CORIN: variants seen among roughly 807,000 people sequenced by gnomAD.
CORIN encodes the protein corin, serine peptidase, also known as atrial natriuretic peptide-converting enzyme.
A neutral mutation model predicts 125.3 loss-of-function variants in CORIN; 117 were observed. The observed-to-expected ratio is 0.93, with a 90% CI of 0.80 to 1.09. The LOEUF is 1.09. Among genes scored for constraint, CORIN ranks in the 50% least tolerant of loss-of-function variants. CORIN has a pLI of 0.00. For missense variants in CORIN, 1,253 were observed against 1,306.7 expected, an observed-to-expected ratio of 0.96 and a Z score of 0.63; for synonymous variants, 450 against 466.4, an observed-to-expected ratio of 0.96 and a Z score of 0.45.
At chr4:47,635,931 A>C (rs1198741841) in intron 16 of CORIN, among the ~76,000 whole-genome samples, 1 of 152,202 alleles carries the variant, frequency 6.6e-6, no homozygotes, top group African/African-American at 2.4e-5. Flanking sequence ...CTGATGGATT[A>C]TTCAAGTTAT....
rs568047912 is a variant in CORIN, at chr4:47,770,815, T to A, written c.410-7229A>T. The stretch of plus-strand genomic sequence containing the variant: ...CACATGATTTCACTTATATGTGGAA[T>A]CTTAAAAAGTTGAACTCATAGAAGC... On this transcript the variant is annotated intron_variant, in intron 3 of 21. Transcript: ENST00000273857. Among the ~76,000 whole-genome samples the A allele has an allele frequency of 1.1e-4, 16 of 152,224 alleles. 1 individual carries two copies. The highest frequency in any genetic ancestry group is 3.4e-4 in the African/African-American group (14 of 41,540).
chr4:47,705,820 G>A (rs916348508), intron 5 of CORIN, among the ~76,000 whole-genome samples: 4 of 151,302 alleles, frequency 2.6e-5, no homozygotes, highest in Admixed American at 2.0e-4. Context: ...TCAAGCACAC[G>A]GCCCGTAAAA....
chr4:47,660,643 T>C (rs1364404776), intron 12 of CORIN, among the ~76,000 whole-genome samples: 1 of 152,070 alleles, frequency 6.6e-6, no homozygotes. Context: ...CTCACCCAAA[T>C]TAAAATGTCT....
intron 19 of CORIN, among the ~76,000 whole-genome samples, chr4:47,608,666 A>G (rs1253134188): frequency 6.6e-6 from 1 of 152,236 alleles, no homozygotes; most frequent in Non-Finnish European, 1.5e-5. Context: ...TTAATAATAA[A>G]TGTACTTCAT....
chr4:47,641,784 C>T, intron 16 of CORIN, 136 bp downstream of exon 16: 3 of 1,026,684 alleles, frequency 2.9e-6, no homozygotes, highest in South Asian at 1.7e-5. Context: ...GTCCTCTCAC[C>T]TGATTCATTT....
intron 3 of CORIN, among the ~76,000 whole-genome samples, chr4:47,781,658 T>G (rs979035730): frequency 1.3e-5 from 2 of 152,320 alleles, no homozygotes; most frequent in Admixed American, 1.3e-4. Flanking sequence ...AAAATAGGCT[T>G]TAAATCAACA....
chr4:47,668,707 T>C (rs1269558665), intron 10 of CORIN, among the ~76,000 whole-genome samples: 1 of 152,174 alleles, frequency 6.6e-6, no homozygotes, highest in Non-Finnish European at 1.5e-5. Context: ...ACATATCGCA[T>C]GAATAATTTT....
At chr4:47,596,754 T>C (rs921629069) in intron 21 of CORIN, among the ~76,000 whole-genome samples, 1 of 152,216 alleles carries the variant, frequency 6.6e-6, no homozygotes, top group Non-Finnish European at 1.5e-5. Flanking sequence ...TACAAGACTT[T>C]CAAAATTAGA....
chr4:47,673,820 G>A lies in CORIN; in HGVS notation c.1357+573C>T, dbSNP rs116257792. ...CCCAGCACTTTGGGAGGCCCAGGCA[G>A]ATGGATCACTGAGGGTGTTTAGCGC... is the stretch of plus-strand genomic sequence containing the variant. On this transcript the variant is annotated intron_variant, in intron 10 of 21. Transcript: ENST00000273857. Among the ~76,000 whole-genome samples, 1,169 of 152,294 alleles carry A rather than the reference G, an allele frequency of 7.7e-3. 13 individuals carry two copies. Among genetic ancestry groups the A allele is most frequent in the African/African-American group, 0.026 (1,090 of 41,544 alleles).
Position 47,653,548 on chromosome 4 carries a change from C to T in CORIN, c.1843+5G>A. 6.2e-7 allele frequency: 1 copy of T among 1,611,162 alleles called. No individual in the cohort carries two copies. Among genetic ancestry groups the T allele is most frequent in the Non-Finnish European group, 8.5e-7 (1 of 1,177,368 alleles). ...TTCAAGAAAAGTACCATTGCACATACATACCACAGTTTTCCTCATCACTGT... is the reference window on the plus strand; with the variant it reads ...TTCAAGAAAAGTACCATTGCACATATATACCACAGTTTTCCTCATCACTGT... On this transcript the variant is annotated splice_donor_5th_base_variant and intron_variant, in intron 13 of 21. Transcript: ENST00000273857.
chr4:47,836,911 G>A (rs1364106465), intron 1 of CORIN, among the ~76,000 whole-genome samples: 2 of 152,218 alleles, frequency 1.3e-5, no homozygotes, highest in East Asian at 3.8e-4. Flanking sequence ...AGCGTCACCG[G>A]TCGGTCCCCG....
chr4:47,833,100 C>T (rs1733138373), intron 1 of CORIN, among the ~76,000 whole-genome samples: 1 of 147,770 alleles, frequency 6.8e-6, no homozygotes, highest in Non-Finnish European at 1.5e-5. Context: ...GGAAACAAAT[C>T]ACCAAAGCAA....
chr4:47,782,003 G>A (rs1730569703), intron 3 of CORIN, among the ~76,000 whole-genome samples: 1 of 151,822 alleles, frequency 6.6e-6, no homozygotes, highest in Non-Finnish European at 1.5e-5. Flanking sequence ...ATTAATAAAA[G>A]GTTCAATATA....
intron 3 of CORIN, among the ~76,000 whole-genome samples, chr4:47,780,992 A>G (rs1730519513): frequency 6.6e-6 from 1 of 151,920 alleles, no homozygotes; most frequent in African/African-American, 2.4e-5. Flanking sequence ...AACACAAAAG[A>G]AGGCAGTAAT....
At position 47,596,521 on chromosome 4, in the gene CORIN, G is replaced by A. The variant is rs187004914; in HGVS notation, c.2947-618C>T. On this transcript the variant is annotated intron_variant, in intron 21 of 21. Coordinates refer to ENST00000273857, the MANE Select transcript of CORIN (RefSeq NM_006587.4). ...CTGTATTTTATTTCATATATATAGG[G>A]ATTTTCATTCATGATATTTAAGGAT... 4.5e-4 allele frequency among the ~76,000 whole-genome samples: 69 copies of A among 152,096 alleles called. 1 individual carries two copies. In the East Asian group the frequency reaches 0.012, roughly 26 times the overall value.
chr4:47,688,174 G>A (rs1477258892), intron 6 of CORIN, among the ~76,000 whole-genome samples: 1 of 152,158 alleles, frequency 6.6e-6, no homozygotes, highest in African/African-American at 2.4e-5. Context: ...TCCATCAGCT[G>A]TCTACGCAAT....
intron 10 of CORIN, among the ~76,000 whole-genome samples, chr4:47,666,968 C>T (rs1010345244): frequency 6.6e-6 from 1 of 152,188 alleles, no homozygotes; most frequent in Non-Finnish European, 1.5e-5. Context: ...CTGATATGGT[C>T]TGGCTGTGTC....
rs1344212069 is a variant in CORIN at position 47,789,145 on chromosome 4, C to CAA, written c.209-2222_209-2221dup. On this transcript the variant is annotated intron_variant, in intron 2 of 21. Coordinates refer to ENST00000273857, the MANE Select transcript of CORIN (RefSeq NM_006587.4). ...TGAAACCCCGTCTCTACTAAAAATA[C>CAA]AAAATAAAATTAGCTGGGCATGGTG... Among the ~76,000 whole-genome samples, 15 of 151,982 alleles carry CAA rather than the reference C, an allele frequency of 9.9e-5. 1 individual carries two copies. Among genetic ancestry groups the CAA allele is most frequent in the African/African-American group, 3.4e-4 (14 of 41,438 alleles).
chr4:47,788,814 T>C (rs1489197157), intron 2 of CORIN, among the ~76,000 whole-genome samples: 1 of 152,236 alleles, frequency 6.6e-6, no homozygotes, highest in African/African-American at 2.4e-5. Context: ...CATCCAGTTC[T>C]GTCAACATAC....
Sources: allele counts gnomAD v4.1 joint callset (sites outside exome capture counted in the v4.1 genomes callset), GRCh38; gene constraint gnomAD v4.1.1; transcripts MANE v1.5; gene names NCBI Gene and HGNC (gene_info 2026-07-23, HGNC 2026-07-21).